Variants in ACSBG1 observed in about 807,000 individuals in gnomAD.
ACSBG1 encodes long-chain-fatty-acid--CoA ligase ACSBG1.
A neutral mutation model predicts 80.2 loss-of-function variants in ACSBG1; 39 were observed. The observed-to-expected ratio is 0.49, with a 90% CI of 0.38 to 0.64. The LOEUF (loss-of-function observed/expected upper bound fraction) is 0.64, where lower values mean the gene tolerates loss of function less well. Ranked by LOEUF, ACSBG1 falls within the 30% of genes least tolerant of loss-of-function variation. ACSBG1 has a pLI of 0.00. For synonymous variants in ACSBG1, 392 were observed against 379.5 expected, an observed-to-expected ratio of 1.03 and a Z score of -0.38; for missense variants, 828 against 966.4, an observed-to-expected ratio of 0.86 and a Z score of 1.90.
Position 78,212,113 on chromosome 15 carries a change from C to T in ACSBG1, c.132-4011G>A, listed in dbSNP as rs144754325. Among the ~76,000 whole-genome samples the T allele has an allele frequency of 5.3e-5, 8 of 152,332 alleles. No individual in the cohort carries two copies. The East Asian group carries it at 1.5e-3, about 29-fold the overall frequency. On this transcript the variant is annotated intron_variant, in intron 1 of 13. Coordinates refer to ENST00000258873, the MANE Select transcript of ACSBG1 (RefSeq NM_015162.5). ...ATTTCTGTTACCCTTTCTTCTCACT[C>T]AGCCTTCAGCAGCCAGGCCACTGTT...
chr15:78,187,888 CCT>C (rs2075020928), intron 5 of ACSBG1, among the ~76,000 whole-genome samples: 2 of 151,982 alleles, frequency 1.3e-5, no homozygotes, highest in Non-Finnish European at 2.9e-5. Flanking sequence ...TCAAATTGTC[CCT>C]GTTTGCAGAT....
intron 3 of ACSBG1, 152 bp from the exon 4 acceptor site, chr15:78,194,172 T>C (rs971742454): frequency 7.9e-6 from 6 of 764,316 alleles, no homozygotes; most frequent in African/African-American, 1.7e-5. Context: ...GGAGAAGGGG[T>C]TGGTCACTCA....
In ACSBG1 at chr15:78,193,533, C is replaced by A. The variant is rs140025302; in HGVS notation, c.636G>T (p.Thr212=). ...DCCANVIMVD[T]QKQLEKILKI... is the part of the protein sequence containing the mutation. ...TCAGGATCTTTTCCAGCTGCTTCTG[C>A]GTGTCGACCATGATGACATTGGCGC... The change falls in exon 5 of 14, where the codon ACG becomes ACT. Residue 212 remains threonine, a synonymous_variant. Transcript: ENST00000258873. 9 of 1,612,838 alleles carry A rather than the reference C, an allele frequency of 5.6e-6. No individual in the cohort carries two copies. In the East Asian group the frequency reaches 1.8e-4, roughly 32 times the overall value.
intron 11 of ACSBG1, among the ~76,000 whole-genome samples, chr15:78,176,987 TA>T (rs2074889049): frequency 1.3e-5 from 2 of 152,136 alleles, no homozygotes; most frequent in African/African-American, 4.8e-5. Context: ...GAGAGAAACT[TA>T]AAAAGACCTA....
At chr15:78,193,671 G>A (rs1206076130) in intron 4 of ACSBG1, 45 bp from the exon 5 acceptor site, 1 of 1,583,210 alleles carries the variant, frequency 6.3e-7, no homozygotes. Context: ...GGTGCAGAGG[G>A]GCCACCCCCT....
At position 78,205,342 on chromosome 15, in the gene ACSBG1, G is replaced by A. The variant is rs888599989; in HGVS notation, c.232+2660C>T. 4.6e-5 allele frequency among the ~76,000 whole-genome samples: 7 copies of A among 152,098 alleles called. No homozygotes were observed. The East Asian group carries it at 1.4e-3, about 29-fold the overall frequency. Reference sequence around the variant, plus strand: ...CTTTTTGGGACCTCAAAGAGATCTGGGAGCCTCCGAGGGCTCCAGAGTGAA... The same window carrying A: ...CTTTTTGGGACCTCAAAGAGATCTGAGAGCCTCCGAGGGCTCCAGAGTGAA... On this transcript the variant is annotated intron_variant, in intron 2 of 13. Coordinates refer to ENST00000258873, the MANE Select transcript of ACSBG1 (RefSeq NM_015162.5).
At chr15:78,223,437 A>T (rs71407265) in intron 1 of ACSBG1, among the ~76,000 whole-genome samples, 2 of 152,064 alleles carry the variant, frequency 1.3e-5, no homozygotes, top group Non-Finnish European at 2.9e-5. Context: ...CAAAACCAAA[A>T]ATGAAAATAA....
chr15:78,229,318 A>G (rs1418382406), intron 1 of ACSBG1, among the ~76,000 whole-genome samples: 1 of 152,266 alleles, frequency 6.6e-6, no homozygotes, highest in African/African-American at 2.4e-5. Context: ...ACATGAAACA[A>G]CTGTGTTTTT....
At chr15:78,191,000 A>G (rs1409489622) in intron 5 of ACSBG1, among the ~76,000 whole-genome samples, 1 of 152,248 alleles carries the variant, frequency 6.6e-6, no homozygotes, top group Non-Finnish European at 1.5e-5. Flanking sequence ...AGACTCAACT[A>G]TGTGCTGTCT....
At chr15:78,217,520 T>C (rs1435439491) in intron 1 of ACSBG1, among the ~76,000 whole-genome samples, 1 of 151,930 alleles carries the variant, frequency 6.6e-6, no homozygotes, top group Non-Finnish European at 1.5e-5. Context: ...TTCAGGGTCC[T>C]CTAAACCCCT....
chr15:78,186,077 A>G (rs544970584), intron 5 of ACSBG1, among the ~76,000 whole-genome samples: 56 of 152,296 alleles, frequency 3.7e-4, no homozygotes, highest in African/African-American at 1.3e-3. Context: ...GTGCTCCTGT[A>G]TTGGGTGCAT....
At chr15:78,199,719 A>G (rs575715767) in intron 2 of ACSBG1, among the ~76,000 whole-genome samples, 1 of 148,594 alleles carries the variant, frequency 6.7e-6, no homozygotes, top group Non-Finnish European at 1.5e-5. Context: ...CTGGTCTTGA[A>G]CTCCTGGTCT....
chr15:78,181,498 T>C (rs903131499), intron 8 of ACSBG1, among the ~76,000 whole-genome samples: 1 of 143,250 alleles, frequency 7.0e-6, no homozygotes, highest in Non-Finnish European at 1.5e-5. Context: ...TCTTTTTTTT[T>C]TTTTTTTTTT....
At position 78,168,979 on chromosome 15, in the gene ACSBG1, T is replaced by C. The variant is rs1430562439; in HGVS notation, c.*2465A>G. On this transcript the variant is annotated 3_prime_UTR_variant, in exon 14 of 14. Coordinates refer to ENST00000258873, the MANE Select transcript of ACSBG1 (RefSeq NM_015162.5). ...ATGCTCAGACTTCACAGAGGAAATC[T>C]GTCGCCGAGTAAAAGATTTAGATTA... The C allele has an allele frequency of 2.5e-6, 4 of 1,601,028 alleles. No homozygotes were observed. Among genetic ancestry groups the C allele is most frequent in the Non-Finnish European group, 3.4e-6 (4 of 1,169,134 alleles).
intron 1 of ACSBG1, among the ~76,000 whole-genome samples, chr15:78,232,298 G>T (rs1052726812): frequency 1.3e-5 from 2 of 152,146 alleles, no homozygotes; most frequent in Non-Finnish European, 2.9e-5. Context: ...CAAGAAAGTA[G>T]TAGAACTGAC....
At chr15:78,217,268 T>C (rs2075319997) in intron 1 of ACSBG1, among the ~76,000 whole-genome samples, 1 of 152,220 alleles carries the variant, frequency 6.6e-6, no homozygotes, top group Admixed American at 6.5e-5. Flanking sequence ...GCAATCTTCG[T>C]AACAGCCCAA....
Position 78,171,449 on chromosome 15 carries a change from T to C in ACSBG1, c.2170A>G (p.Met724Val). The change falls in exon 14 of 14, where the codon ATG (methionine) becomes GTG (valine). Residue 724 changes from methionine (M) to valine (V), a missense_variant. Transcript: ENST00000258873. ...ACTGCAGGCATAGGCCCTGATTACA[T>C]TTTTTGCTCTTGGTAAAAGGAGTCA... ...IIDSFYQEQK[M>V] 6.2e-7 allele frequency: 1 copy of C among 1,613,424 alleles called. No individual in the cohort carries two copies.
At chr15:78,232,552 C>A (rs1360827810) in intron 1 of ACSBG1, among the ~76,000 whole-genome samples, 1 of 152,218 alleles carries the variant, frequency 6.6e-6, no homozygotes, top group Non-Finnish European at 1.5e-5. Flanking sequence ...CTGAGCCCCA[C>A]TTGGCCCCTC....
At chr15:78,183,392 C>A (rs969203614) in intron 5 of ACSBG1, among the ~76,000 whole-genome samples, 6 of 151,254 alleles carry the variant, frequency 4.0e-5, no homozygotes, top group Admixed American at 3.3e-4. Context: ...GCCTGGTCAA[C>A]ATGGTGAAAC....
Sources: allele counts gnomAD v4.1 joint callset (sites outside exome capture counted in the v4.1 genomes callset), GRCh38; gene constraint gnomAD v4.1.1; transcripts MANE v1.5; gene names NCBI Gene and HGNC (gene_info 2026-07-23, HGNC 2026-07-21).